The following PCID2 variants were observed in gnomAD, a reference collection of about 807,000 sequenced individuals.
PCID2 encodes the protein PCI domain containing 2.
In PCID2, 41 loss-of-function variants were observed where a neutral mutation model predicts 61.3. The observed-to-expected ratio is 0.67, with a 90% confidence interval of 0.52 to 0.87. The LOEUF (loss-of-function observed/expected upper bound fraction) is 0.87. Ranked by LOEUF, PCID2 falls within the 40% of genes least tolerant of loss-of-function variation. PCID2 has a pLI of 0.00. For synonymous variants in PCID2, 187 were observed against 177.8 expected, an observed-to-expected ratio of 1.05 and a Z score of -0.41; for missense variants, 392 against 493.4, an observed-to-expected ratio of 0.79 and a Z score of 1.95.
At chr13:113,185,671 A>T in intron 7 of PCID2, 111 bp from the exon 8 acceptor site, 1 of 670,020 alleles carries the variant, frequency 1.5e-6, no homozygotes, top group Non-Finnish European at 2.6e-6. Context: ...CCCAAAGCTC[A>T]AGTCATATTC....
At chr13:113,201,815 C>CA (rs34103745) in intron 1 of PCID2, among the ~76,000 whole-genome samples, 14,601 of 58,796 alleles carry the variant, frequency 0.25, 1,615 homozygotes, top group Non-Finnish European at 0.36. Context: ...GACTCCGTCT[C>CA]AAAAAAAAAA....
the PCID2 span, chr13:113,171,490 G>A: frequency 2.0e-6 from 3 of 1,468,438 alleles, no homozygotes; most frequent in Non-Finnish European, 2.8e-6. The surrounding 1 kb of genome is among the most constrained non-coding windows in gnomAD (Gnocchi z 5.1). Context: ...GGTCCTCCAG[G>A]GCCGGTCTCT....
intron 13 of PCID2, 57 bp from the exon 14 acceptor site, chr13:113,178,344 G>C: frequency 8.0e-7 from 1 of 1,247,160 alleles, no homozygotes; most frequent in African/African-American, 1.5e-5. Context: ...TCATGTCAAA[G>C]ATGCTGGGTG....
chr13:113,194,023 G>C (rs1469366319), intron 6 of PCID2, among the ~76,000 whole-genome samples: 1 of 152,086 alleles, frequency 6.6e-6, no homozygotes, highest in East Asian at 1.9e-4. Flanking sequence ...TGTTTAGCAG[G>C]CCTCACCATG....
intron 9 of PCID2, 29 bp from the exon 10 acceptor site, chr13:113,181,259 G>A (rs1180331370): frequency 7.0e-7 from 1 of 1,423,912 alleles, no homozygotes; most frequent in Non-Finnish European, 9.9e-7. Context: ...CAGCACGCAT[G>A]AGACCAACGC....
the PCID2 span, chr13:113,170,548 A>G: frequency 7.0e-7 from 1 of 1,435,118 alleles, no homozygotes; most frequent in African/African-American, 1.4e-5. Context: ...TTTTATCATG[A>G]GTTTTTATAA....
downstream of PCID2, among the ~76,000 whole-genome samples, chr13:113,176,038 C>A (rs992879217): frequency 6.6e-6 from 1 of 152,276 alleles, no homozygotes; most frequent in Non-Finnish European, 1.5e-5. Flanking sequence ...CCGGAAGAAA[C>A]TGCAGACCTG....
the PCID2 span, chr13:113,170,357 G>A: frequency 9.2e-7 from 1 of 1,089,782 alleles, no homozygotes; most frequent in South Asian, 1.2e-5. Flanking sequence ...AGACTTTACT[G>A]CCCCTAATCC....
At chr13:113,166,727 C>T in the PCID2 span, among the ~76,000 whole-genome samples, 1 of 152,216 alleles carries the variant, frequency 6.6e-6, no homozygotes, top group East Asian at 1.9e-4. Flanking sequence ...GACAGTTCTT[C>T]CTATCGCTGT....
intron 9 of PCID2, 144 bp from the exon 10 acceptor site, chr13:113,181,374 A>G: frequency 3.5e-6 from 2 of 577,978 alleles, no homozygotes; most frequent in East Asian, 5.6e-5. Flanking sequence ...TCCCAGTTTC[A>G]TTTCTGTGAT....
In PCID2 at chr13:113,189,629, G is replaced by A. The variant is rs116993763; in HGVS notation, c.467+1243C>T. 5.8e-3 allele frequency among the ~76,000 whole-genome samples: 875 copies of A among 151,592 alleles called. 4 individuals are homozygous for A. The highest frequency in any genetic ancestry group is 0.015 in the South Asian group (74 of 4,804). Reference sequence around the variant, plus strand: ...TGGAAATTCTAAAGCAGAATCAGACGGAAAGTTGAGAATTTAAAAATAAAT... The same window carrying A: ...TGGAAATTCTAAAGCAGAATCAGACAGAAAGTTGAGAATTTAAAAATAAAT... On this transcript the variant is annotated intron_variant, in intron 7 of 13. Coordinates refer to ENST00000337344, the MANE Select transcript of PCID2 (RefSeq NM_001127202.4).
At chr13:113,174,365 G>A (rs2037158677), downstream of PCID2, among the ~76,000 whole-genome samples, 1 of 152,164 alleles carries the variant, frequency 6.6e-6, no homozygotes, top group Non-Finnish European at 1.5e-5. Context: ...CAGACTGTCA[G>A]CAGAGACATG....
rs1362777780 is a variant in PCID2, at chr13:113,208,631, C to T, written c.4G>A (p.Ala2Thr). The change falls in exon 1 of 14, where the codon GCG becomes ACG. Residue 2 changes from alanine to threonine, a missense_variant. Physicochemically the swap from Ala to Thr is moderately conservative, Grantham distance 58. This residue lies in a region of PCID2 where 155 missense variants were observed against 164.9 expected (regional missense o/e 0.94). Transcript: ENST00000337344. Reference protein sequence around the residue: MAHITINQYLQQ... With the variant: MTHITINQYLQQ... ...AGGTACTGGTTAATGGTAATGTGCGCCATGGGAGCGCCGCCGAACGGAGAG... is the reference window on the plus strand; with the variant it reads ...AGGTACTGGTTAATGGTAATGTGCGTCATGGGAGCGCCGCCGAACGGAGAG... The T allele has an allele frequency of 6.2e-7, 1 of 1,607,390 alleles. No individual in the cohort carries two copies. Among genetic ancestry groups the T allele is most frequent in the South Asian group, 1.1e-5 (1 of 90,386 alleles).
At chr13:113,177,287 G>A (rs552851210), downstream of PCID2, among the ~76,000 whole-genome samples, 315 of 152,026 alleles carry the variant, frequency 2.1e-3, 1 homozygote, top group African/African-American at 7.3e-3. Context: ...ACAGGTATGC[G>A]CCACCACGCC....
At chr13:113,167,267 T>G in the PCID2 span, among the ~76,000 whole-genome samples, 11 of 152,314 alleles carry the variant, frequency 7.2e-5, no homozygotes, top group Admixed American at 7.2e-4. Context: ...CCCCTAGAGG[T>G]GCAGTGAGGA....
intron 4 of PCID2, 104 bp from the exon 5 acceptor site, chr13:113,196,326 A>G (rs1353139687): frequency 3.5e-6 from 3 of 863,024 alleles, no homozygotes; most frequent in East Asian, 2.5e-5. Context: ...ATCACCCTTG[A>G]GCAGATTTAT....
the PCID2 span, among the ~76,000 whole-genome samples, chr13:113,165,565 C>T: frequency 6.6e-6 from 1 of 152,324 alleles, no homozygotes; most frequent in South Asian, 2.1e-4. Context: ...GAGTCTCAAT[C>T]TGTCACCCAG....
Position 113,197,148 on chromosome 13 carries a change from G to A in PCID2, c.266+30C>T, listed in dbSNP as rs140418080. The A allele has an allele frequency of 1.3e-3, 2,103 of 1,614,034 alleles. 3 individuals carry two copies. Among genetic ancestry groups the A allele is most frequent in the Non-Finnish European group, 1.6e-3 (1,885 of 1,179,888 alleles). The stretch of plus-strand genomic sequence containing the variant: ...GTAATCCACTGCATGTGTTCTATGC[G>A]GGACAGCTGCCATGAACGACAAAGG... On this transcript the variant is annotated intron_variant, in intron 4 of 13. Coordinates refer to ENST00000337344, the MANE Select transcript of PCID2 (RefSeq NM_001127202.4).
chr13:113,174,135 G>C (rs1398261069), downstream of PCID2, among the ~76,000 whole-genome samples: 2 of 151,910 alleles, frequency 1.3e-5, no homozygotes. Flanking sequence ...CTACTGAGGA[G>C]GCTGAGGCAG....
Sources: allele counts gnomAD v4.1 joint callset (sites outside exome capture counted in the v4.1 genomes callset), GRCh38; gene constraint gnomAD v4.1.1; regional missense constraint gnomAD v4.1.1; non-coding constraint Gnocchi (gnomAD v3.1); transcripts MANE v1.5; gene names NCBI Gene and HGNC (gene_info 2026-07-23, HGNC 2026-07-21).